Variants in PCM1 observed in about 807,000 individuals in gnomAD.
PCM1 encodes pericentriolar material 1 protein.
PCM1 carries 157 observed loss-of-function variants against 241.9 expected under a neutral mutation model. That is an observed-to-expected ratio of 0.65 (90% CI 0.57 to 0.74). The LOEUF is 0.74. PCM1 is among the 30% of genes least tolerant of loss of function. The pLI is 0.00. For missense variants in PCM1, 3,478 were observed against 2,360.1 expected (o/e 1.47, Z -9.81); for synonymous variants, 1,085 against 784.9 (o/e 1.38, Z -6.39).
At chr8:17,987,350 A>G (rs1166943225) in intron 26 of PCM1, among the ~76,000 whole-genome samples, 1 of 151,722 alleles carries the variant, frequency 6.6e-6, no homozygotes, top group Non-Finnish European at 1.5e-5. Flanking sequence ...TCCTAGACGT[A>G]TTTTTCAATA....
chr8:17,967,487 T>C (rs2075340249), intron 21 of PCM1, among the ~76,000 whole-genome samples: 1 of 151,988 alleles, frequency 6.6e-6, no homozygotes, highest in East Asian at 1.9e-4. Flanking sequence ...TTTGTATTTT[T>C]AGTAGAGATG....
At position 18,014,038 on chromosome 8, in the gene PCM1, T is replaced by A. The variant is rs772481298; in HGVS notation, c.5584+2T>A. ...TGGAACGAGAAGCCACTAGTAAAAGTAAGAAATCTAAATAAGTCTTTGATT... is the reference window on the plus strand; with the variant it reads ...TGGAACGAGAAGCCACTAGTAAAAGAAAGAAATCTAAATAAGTCTTTGATT... On this transcript the variant is annotated splice_donor_variant, in intron 35 of 38. Transcript: ENST00000325083. LOFTEE classifies it high-confidence loss of function. The A allele has an allele frequency of 6.5e-6, 10 of 1,540,510 alleles. No homozygotes were observed. In the African/African-American group the frequency reaches 7.0e-5, roughly 11 times the overall value.
chr8:17,939,381 A>G (rs898720056), intron 5 of PCM1, among the ~76,000 whole-genome samples: 4 of 152,098 alleles, frequency 2.6e-5, no homozygotes, highest in African/African-American at 9.6e-5. Context: ...ATTTATAAAC[A>G]TTAGGAAAAT....
At chr8:17,961,304 CTTTTTTTTTT>C (rs35468848) in intron 15 of PCM1, among the ~76,000 whole-genome samples, 6 of 79,140 alleles carry the variant, frequency 7.6e-5, no homozygotes, top group African/African-American at 1.1e-4. Context: ...TATTGGCTAG[CTTTTTTTTTT>C]TTTTTTTTTT....
chr8:17,949,062 T>C (rs2065001631), intron 7 of PCM1, among the ~76,000 whole-genome samples: 2 of 152,200 alleles, frequency 1.3e-5, no homozygotes, highest in African/African-American at 4.8e-5. Context: ...ATATGAACTT[T>C]TGAAAGTAAG....
intron 36 of PCM1, among the ~76,000 whole-genome samples, chr8:18,019,613 A>C (rs759944398): frequency 7.2e-5 from 11 of 152,138 alleles, no homozygotes; most frequent in Non-Finnish European, 1.5e-4. Context: ...CACGCAACCT[A>C]GATCTCTGGC....
At chr8:17,927,351 G>C (rs921684729) in intron 2 of PCM1, 1 of 152,108 alleles carries the variant, frequency 6.6e-6, no homozygotes, top group Non-Finnish European at 1.5e-5. Flanking sequence ...GGCGAATCAA[G>C]TGATCCGCCT....
Position 18,014,722 on chromosome 8 carries a change from T to C in PCM1, c.5723T>C (p.Leu1908Ser). The C allele has an allele frequency of 6.2e-7, 1 of 1,613,334 alleles. No individual in the cohort carries two copies. Among genetic ancestry groups the C allele is most frequent in the Non-Finnish European group, 8.5e-7 (1 of 1,179,840 alleles). Residue 1908 changes from leucine (L) to serine (S), a missense_variant, in exon 36 of 39, where the codon TTA becomes TCA. Leu to Ser is a moderately radical substitution (Grantham distance 145). Transcript: ENST00000325083. ...CAGCCTAACCCTTTGCCGTTACGTT[T>C]ACCTGAAATGGAACCCTTAGTGCCT... ...TQQPNPLPLR[L>S]PEMEPLVPRV... is the part of the protein sequence containing the mutation.
At chr8:17,963,773 A>G (rs2073637878) in intron 17 of PCM1, among the ~76,000 whole-genome samples, 1 of 152,180 alleles carries the variant, frequency 6.6e-6, no homozygotes, top group South Asian at 2.1e-4. Flanking sequence ...CATCTATAAG[A>G]TCAGTGAATT....
chr8:17,937,188 A>C lies in PCM1; in HGVS notation c.151A>C (p.Lys51Gln). The change falls in exon 4 of 39, where the codon AAG (lysine) becomes CAG (glutamine). Residue 51 changes from lysine (K) to glutamine (Q), a missense_variant. Lys to Gln is a moderately conservative substitution (Grantham distance 53). Coordinates refer to ENST00000325083, the MANE Select transcript of PCM1 (RefSeq NM_006197.4). ...TAGATCATCAGAAAAGAATAAGAAA[A>C]AGTTTGGTGTAGAAAGTGATAAAAG... ...ANRSSEKNKK[K>Q]FGVESDKRVT... 5 of 1,593,946 alleles carry C rather than the reference A, an allele frequency of 3.1e-6. No homozygotes were observed. Among genetic ancestry groups the C allele is most frequent in the Non-Finnish European group, 4.3e-6 (5 of 1,168,456 alleles).
intron 33 of PCM1, 30 bp downstream of exon 33, chr8:18,011,396 TA>T (rs770134342): frequency 2.0e-6 from 3 of 1,500,996 alleles, no homozygotes; most frequent in South Asian, 1.4e-5. Context: ...ACTATCTTTA[TA>T]CTTTAGTTTT....
chr8:17,952,734 C>G (rs1245795628), intron 8 of PCM1, among the ~76,000 whole-genome samples: 2 of 151,986 alleles, frequency 1.3e-5, no homozygotes, highest in African/African-American at 4.8e-5. Flanking sequence ...TTTGGTGTCC[C>G]CAGGGGTCCT....
At chr8:18,006,750 A>G (rs2091442604) in intron 30 of PCM1, among the ~76,000 whole-genome samples, 1 of 152,216 alleles carries the variant, frequency 6.6e-6, no homozygotes, top group Non-Finnish European at 1.5e-5. Context: ...TTGACTAATC[A>G]GGGAAATTTT....
chr8:18,007,579 C>G (rs1281967134), intron 30 of PCM1, among the ~76,000 whole-genome samples: 2 of 152,186 alleles, frequency 1.3e-5, no homozygotes, highest in Non-Finnish European at 2.9e-5. Flanking sequence ...GCATTAATTT[C>G]TAAAGACTTT....
At position 17,975,445 on chromosome 8, in the gene PCM1, G is replaced by T. The variant is rs149140248; in HGVS notation, c.3943+2758G>T. Among the ~76,000 whole-genome samples, 807 of 152,250 alleles carry T rather than the reference G, an allele frequency of 5.3e-3. 4 individuals carry two copies. Among genetic ancestry groups the T allele is most frequent in the African/African-American group, 0.018 (762 of 41,536 alleles). ...CCGGAAGTGGTGGGATTACAGGTGT[G>T]AGCCACAGCGCCCGACCAATTTTTA... On this transcript the variant is annotated intron_variant, in intron 23 of 38. Transcript: ENST00000325083.
At chr8:17,942,130 G>A (rs894184811) in intron 6 of PCM1, among the ~76,000 whole-genome samples, 1 of 151,870 alleles carries the variant, frequency 6.6e-6, no homozygotes, top group Non-Finnish European at 1.5e-5. Context: ...TTTATAACAC[G>A]TTCTTAAACC....
intron 24 of PCM1, chr8:17,983,311 G>C: frequency 7.6e-7 from 1 of 1,312,024 alleles, no homozygotes; most frequent in Non-Finnish European, 1.0e-6. Flanking sequence ...CGTAGTTTTG[G>C]TGTCCACTTT....
Position 17,964,626 on chromosome 8 carries a change from G to T in PCM1, c.2713G>T (p.Asp905Tyr). Reference protein sequence around the residue: ...QCALDEEGDEDGYLSEGIVRT... With the variant: ...QCALDEEGDEYGYLSEGIVRT... ...TGCACTAGATGAAGAAGGAGATGAA[G>T]ACGGTTACCTTTCTGAAGGAATTGT... Residue 905 changes from aspartate to tyrosine, a missense_variant, in exon 18 of 39, where the codon GAC (aspartate) becomes TAC (tyrosine). Asp to Tyr is a radical substitution (Grantham distance 160). Transcript: ENST00000325083. The T allele has an allele frequency of 6.2e-7, 1 of 1,613,940 alleles. No individual in the cohort carries two copies. The highest frequency in any genetic ancestry group is 8.5e-7 in the Non-Finnish European group (1 of 1,179,862).
intron 28 of PCM1, 24 bp from the exon 29 acceptor site, chr8:17,993,459 A>C (rs945407630): frequency 2.6e-6 from 4 of 1,510,814 alleles, no homozygotes; most frequent in Non-Finnish European, 3.6e-6. Context: ...TGTTAGGCTA[A>C]TGTATTTTCT....
Sources: allele counts gnomAD v4.1 joint callset (sites outside exome capture counted in the v4.1 genomes callset), GRCh38; gene constraint gnomAD v4.1.1; transcripts MANE v1.5; gene names NCBI Gene and HGNC (gene_info 2026-07-23, HGNC 2026-07-21).